Variants in RBFOX3 observed in about 807,000 individuals in gnomAD.
RBFOX3 encodes RNA binding fox-1 homolog 3, also known as RNA binding protein fox-1 homolog 3.
A neutral mutation model predicts 48.7 loss-of-function variants in RBFOX3; 17 were observed. The ratio of observed to expected loss-of-function variants is 0.35; its 90% confidence interval spans 0.24 to 0.52. The LOEUF is 0.52. Among genes scored for constraint, RBFOX3 ranks in the 20% least tolerant of loss-of-function variants. RBFOX3 has a pLI of 0.94. For synonymous variants in RBFOX3, 212 were observed against 209.5 expected, an observed-to-expected ratio of 1.01 and a Z score of -0.10; for missense variants, 382 against 497.5, an observed-to-expected ratio of 0.77 and a Z score of 2.21.
the RBFOX3 span, among the ~76,000 whole-genome samples, chr17:79,648,077 G>A: frequency 6.6e-6 from 1 of 152,124 alleles, no homozygotes; most frequent in Non-Finnish European, 1.5e-5. Flanking sequence ...GTGCAGTGGT[G>A]GATGCAGAGC....
chr17:79,358,685 T>G (rs1438170721), intron 2 of RBFOX3, among the ~76,000 whole-genome samples: 1 of 151,742 alleles, frequency 6.6e-6, no homozygotes, highest in Non-Finnish European at 1.5e-5. Flanking sequence ...GGTCTCGAAC[T>G]CCTGACCTCA....
chr17:79,357,728 G>A (rs911507372), intron 2 of RBFOX3, among the ~76,000 whole-genome samples: 4 of 130,594 alleles, frequency 3.1e-5, no homozygotes, highest in Non-Finnish European at 6.4e-5. Flanking sequence ...GGGCGGTATA[G>A]GGGGGTGGTG....
chr17:79,369,425 G>A (rs1230717602), intron 2 of RBFOX3, among the ~76,000 whole-genome samples: 8 of 152,044 alleles, frequency 5.3e-5, no homozygotes, highest in Non-Finnish European at 1.2e-4. Flanking sequence ...ACGCGTTTCG[G>A]AGGGTTTGCT....
chr17:79,172,342 G>T (rs2049514545), intron 4 of RBFOX3, among the ~76,000 whole-genome samples: 1 of 152,154 alleles, frequency 6.6e-6, no homozygotes, highest in African/African-American at 2.4e-5. Flanking sequence ...TTCTGATTTT[G>T]CCCACTTTGC....
chr17:79,160,806 C>T (rs933161676), intron 4 of RBFOX3, among the ~76,000 whole-genome samples: 19 of 152,186 alleles, frequency 1.2e-4, no homozygotes, highest in Admixed American at 1.2e-3. Context: ...ATGGTGAAAC[C>T]TTGTCTCTAC....
intron 1 of RBFOX3, among the ~76,000 whole-genome samples, chr17:79,557,525 C>A (rs1295806229): frequency 6.6e-6 from 1 of 152,136 alleles, no homozygotes; most frequent in South Asian, 2.1e-4. Context: ...GGGAGCCCGG[C>A]GGTGGTGGGG....
At chr17:79,191,931 G>A (rs542606398) in intron 4 of RBFOX3, among the ~76,000 whole-genome samples, 1 of 152,284 alleles carries the variant, frequency 6.6e-6, no homozygotes, top group Non-Finnish European at 1.5e-5. Context: ...ATTGCTGCCC[G>A]GTGAGCAGAG....
intron 4 of RBFOX3, among the ~76,000 whole-genome samples, chr17:79,229,001 G>A (rs1430560725): frequency 1.4e-5 from 2 of 147,642 alleles, no homozygotes; most frequent in Non-Finnish European, 3.0e-5. Context: ...GCCGAGATGG[G>A]CGGATCACTT....
At chr17:79,120,682 T>C (rs1426663686) in intron 4 of RBFOX3, among the ~76,000 whole-genome samples, 2 of 49,080 alleles carry the variant, frequency 4.1e-5, no homozygotes, top group African/African-American at 1.7e-4. Flanking sequence ...GGGTGGATGG[T>C]TGGATGGATA....
intron 4 of RBFOX3, among the ~76,000 whole-genome samples, chr17:79,173,083 G>A (rs1000818087): frequency 1.3e-5 from 2 of 152,156 alleles, no homozygotes; most frequent in Admixed American, 6.5e-5. Flanking sequence ...GGTGGCGCAC[G>A]CCTGTAATCC....
At chr17:79,236,275 C>T (rs2061622197) in intron 3 of RBFOX3, among the ~76,000 whole-genome samples, 1 of 152,022 alleles carries the variant, frequency 6.6e-6, no homozygotes, top group Non-Finnish European at 1.5e-5. Context: ...TGAGTGTGGT[C>T]ATGGCATGCA....
At chr17:79,322,922 G>A (rs1369960683) in intron 2 of RBFOX3, among the ~76,000 whole-genome samples, 4 of 152,232 alleles carry the variant, frequency 2.6e-5, no homozygotes, top group Non-Finnish European at 5.9e-5. Flanking sequence ...CCAGACAAGC[G>A]TATTGGATTG....
In RBFOX3 at chr17:79,397,489, T is replaced by TCC. The variant is rs35005433; in HGVS notation, c.-175+84963_-175+84964dup. 3.7e-4 allele frequency among the ~76,000 whole-genome samples: 40 copies of TCC among 106,886 alleles called. 1 individual carries two copies. The highest frequency in any genetic ancestry group is 5.6e-4 in the Admixed American group (6 of 10,810). The allele number at this position is 106,886 out of a possible 152,430, so 70.1% of individuals were successfully genotyped here. On this transcript the variant is annotated intron_variant, in intron 2 of 14. Coordinates refer to ENST00000693108, the MANE Select transcript of RBFOX3 (RefSeq NM_001350451.2). ...GCCTGGGCAACAGAGGAGGACTCCATCCCCAAAAAAAAAAAAAAAGTGCGA... is the reference window on the plus strand; with the variant it reads ...GCCTGGGCAACAGAGGAGGACTCCATCCCCCCAAAAAAAAAAAAAAAGTGCGA...
chr17:79,250,125 A>T lies in RBFOX3; in HGVS notation c.-73-14320T>A, dbSNP rs117150431. ...TCAGAAAGACTATTACTGCTCAGCAATTGCCTTTCGGGATTAATACATCTT... is the reference window on the plus strand; with the variant it reads ...TCAGAAAGACTATTACTGCTCAGCATTTGCCTTTCGGGATTAATACATCTT... On this transcript the variant is annotated intron_variant, in intron 3 of 14. Transcript: ENST00000693108. Among the ~76,000 whole-genome samples the T allele has an allele frequency of 1.8e-4, 28 of 152,290 alleles. No individual in the cohort carries two copies. In the East Asian group the frequency reaches 4.8e-3, roughly 26 times the overall value.
At chr17:79,620,735 C>T in the RBFOX3 span, among the ~76,000 whole-genome samples, 4 of 152,234 alleles carry the variant, frequency 2.6e-5, no homozygotes, top group African/African-American at 9.6e-5. Flanking sequence ...ACCCCCTCCA[C>T]ACCCTGATGC....
chr17:79,640,068 A>C, the RBFOX3 span, among the ~76,000 whole-genome samples: 1 of 152,188 alleles, frequency 6.6e-6, no homozygotes, highest in African/African-American at 2.4e-5. Context: ...TACGTAGAAA[A>C]CCCTAAAAAC....
At chr17:79,617,510 A>C in the RBFOX3 span, among the ~76,000 whole-genome samples, 1 of 152,000 alleles carries the variant, frequency 6.6e-6, no homozygotes, top group Non-Finnish European at 1.5e-5. Flanking sequence ...GGTTTACTTG[A>C]TCCTTTACTG....
chr17:79,366,156 G>A (rs1382468323), intron 2 of RBFOX3, among the ~76,000 whole-genome samples: 1 of 152,228 alleles, frequency 6.6e-6, no homozygotes, highest in Non-Finnish European at 1.5e-5. Context: ...CGGTCACTAG[G>A]AAAGCTAGCT....
chr17:79,382,466 ACTC>A (rs1395820463), intron 2 of RBFOX3, among the ~76,000 whole-genome samples: 1 of 152,094 alleles, frequency 6.6e-6, no homozygotes, highest in Non-Finnish European at 1.5e-5. Flanking sequence ...GCACGTGGTT[ACTC>A]CTCAGGGGGT....
Sources: allele counts gnomAD v4.1 joint callset (sites outside exome capture counted in the v4.1 genomes callset), GRCh38; gene constraint gnomAD v4.1.1; transcripts MANE v1.5; gene names NCBI Gene and HGNC (gene_info 2026-07-23, HGNC 2026-07-21).